CLSPN: variants seen among roughly 807,000 people sequenced by gnomAD.
The protein encoded by CLSPN is claspin.
A neutral mutation model predicts 156.3 loss-of-function variants in CLSPN; 85 were observed. That is an observed-to-expected ratio of 0.54 (90% CI 0.46 to 0.65). The LOEUF is 0.65. Ranked by LOEUF, CLSPN falls within the 30% of genes least tolerant of loss-of-function variation. The probability of loss-of-function intolerance (pLI) is 0.00; values close to 1 mark genes in which losing one functional copy is unlikely to be tolerated. For synonymous variants in CLSPN, 534 were observed against 542.4 expected, an observed-to-expected ratio of 0.98 and a Z score of 0.22; for missense variants, 1,407 against 1,554.9, an observed-to-expected ratio of 0.90 and a Z score of 1.60.
chr1:35,765,847 T>C (rs1642652761), intron 1 of CLSPN, among the ~76,000 whole-genome samples: 2 of 152,072 alleles, frequency 1.3e-5, no homozygotes, highest in South Asian at 2.1e-4. Context: ...ACAATCAAAT[T>C]TGAATCCTAT....
intron 24 of CLSPN, among the ~76,000 whole-genome samples, chr1:35,726,778 C>G (rs143418441): frequency 6.6e-6 from 1 of 152,228 alleles, no homozygotes; most frequent in Admixed American, 6.5e-5. Flanking sequence ...GCTTGCCGGA[C>G]GAGGAGCAGG....
Position 35,735,661 on chromosome 1 carries a change from T to C in CLSPN, c.*835A>G, listed in dbSNP as rs936357783. On this transcript the variant is annotated 3_prime_UTR_variant, in exon 25 of 25. Transcript: ENST00000318121. ...AGGCAGAGGTTGCCGTGAGCCGAGATTGCGCCACTGCACTCCAGACTGGGC... is the reference window on the plus strand; with the variant it reads ...AGGCAGAGGTTGCCGTGAGCCGAGACTGCGCCACTGCACTCCAGACTGGGC... 3.2e-6 allele frequency: 3 copies of C among 925,026 alleles called. No individual in the cohort carries two copies. Among genetic ancestry groups the C allele is most frequent in the Non-Finnish European group, 3.9e-6 (3 of 775,574 alleles). The allele number at this position is 925,026 out of a possible 1,614,324, so 57.3% of individuals were successfully genotyped here.
At chr1:35,754,742 T>C (rs1220795164) in intron 8 of CLSPN, among the ~76,000 whole-genome samples, 1 of 152,232 alleles carries the variant, frequency 6.6e-6, no homozygotes, top group Non-Finnish European at 1.5e-5. Flanking sequence ...GCAGCAGGAC[T>C]GTAAAAAGTT....
intron 24 of CLSPN, among the ~76,000 whole-genome samples, chr1:35,722,108 C>T (rs958320648): frequency 6.6e-6 from 1 of 150,972 alleles, no homozygotes; most frequent in Admixed American, 6.6e-5. Context: ...CACTGCACTC[C>T]AGCCTGGGCG....
At position 35,751,332 on chromosome 1, in the gene CLSPN, T is replaced by C. The variant is rs763227677; in HGVS notation, c.1946A>G (p.Lys649Arg). 7 of 1,592,822 alleles carry C rather than the reference T, an allele frequency of 4.4e-6. No individual in the cohort carries two copies. Among genetic ancestry groups the C allele is most frequent in the Non-Finnish European group, 5.1e-6 (6 of 1,165,672 alleles). The part of the protein sequence containing the change: ...TDESEEDGEE[K>R]VEKEEKEEEL... ...TTCCTCTTTCTCTTCTTTCTCTACCTTCTCTTCTCCATCTTCCTCAGACTC... is the reference window on the plus strand; with the variant it reads ...TTCCTCTTTCTCTTCTTTCTCTACCCTCTCTTCTCCATCTTCCTCAGACTC... The change falls in exon 10 of 25, where the codon AAG (lysine) becomes AGG (arginine). Residue 649 changes from lysine to arginine, a missense_variant. Physicochemically the swap from Lys to Arg is conservative, Grantham distance 26. This residue lies in a region of CLSPN where 1,096 missense variants were observed against 1,193.0 expected (regional missense o/e 0.92). Transcript: ENST00000318121.
chr1:35,739,261 C>A lies in CLSPN; in HGVS notation c.3309-4G>T, dbSNP rs928853894. ...ATCATCATCCAACATAGTTTTCCTGCAACAGGAGAAATAAGGTGTTCAAAA... is the reference window on the plus strand; with the variant it reads ...ATCATCATCCAACATAGTTTTCCTGAAACAGGAGAAATAAGGTGTTCAAAA... On this transcript the variant is annotated splice_polypyrimidine_tract_variant and splice_region_variant and intron_variant, in intron 19 of 24. Coordinates refer to ENST00000318121, the MANE Select transcript of CLSPN (RefSeq NM_022111.4). The A allele has an allele frequency of 6.2e-7, 1 of 1,614,158 alleles. No individual in the cohort carries two copies. Among genetic ancestry groups the A allele is most frequent in the Non-Finnish European group, 8.5e-7 (1 of 1,180,018 alleles).
rs994370403 is a variant in CLSPN at position 35,765,436 on chromosome 1, C to A, written c.25-110G>T. 8.4e-5 allele frequency: 56 copies of A among 667,388 alleles called. No homozygotes were observed. In the Middle Eastern group the frequency reaches 2.6e-3, roughly 31 times the overall value. 41.3% of individuals were successfully genotyped at this position (667,388 alleles called of 1,614,324 possible). A position where few individuals can be genotyped will look rare whatever the true frequency, so the allele number is the denominator to read the frequency against. On this transcript the variant is annotated intron_variant, in intron 1 of 24. Transcript: ENST00000318121. The stretch of plus-strand genomic sequence containing the variant: ...CATCAACCTGAACTAAGGAAAGAAC[C>A]AAATACAATGGTTCCTTGAAGGGAT...
chr1:35,769,785 C>G, intron 1 of CLSPN, 62 bp downstream of exon 1: 1 of 1,514,578 alleles, frequency 6.6e-7, no homozygotes, highest in Admixed American at 2.0e-5. Context: ...TACCCCGGCC[C>G]CACCTAACCT....
In CLSPN at chr1:35,745,493, T is replaced by A. The variant is rs1641847353; in HGVS notation, c.2924A>T (p.Glu975Val). The A allele has an allele frequency of 6.2e-7, 1 of 1,613,950 alleles. No homozygotes were observed. Among genetic ancestry groups the A allele is most frequent in the Admixed American group, 1.7e-5 (1 of 60,006 alleles). Residue 975 changes from glutamate (E) to valine (V), a missense_variant, in exon 16 of 25, where the codon GAA becomes GTA. By Grantham distance (121) the Glu-to-Val change is moderately radical. Coordinates refer to ENST00000318121, the MANE Select transcript of CLSPN (RefSeq NM_022111.4). ...EKESSMGDPM[E>V]EALALCSGSF... Reference sequence around the variant, plus strand: ...GCCTGAGCAAAGAGCAAGTGCTTCTTCCATTGGATCACCCATGCTGCTCTC... The same window carrying A: ...GCCTGAGCAAAGAGCAAGTGCTTCTACCATTGGATCACCCATGCTGCTCTC...
At chr1:35,722,328 C>T (rs183105534) in intron 24 of CLSPN, among the ~76,000 whole-genome samples, 6 of 144,076 alleles carry the variant, frequency 4.2e-5, no homozygotes, top group African/African-American at 1.3e-4. Context: ...AGTCTTGGCT[C>T]ACTACAACCT....
At chr1:35,767,820 A>C (rs1299238488) in intron 1 of CLSPN, among the ~76,000 whole-genome samples, 1 of 152,228 alleles carries the variant, frequency 6.6e-6, no homozygotes, top group Non-Finnish European at 1.5e-5. Context: ...TGATGGGTTC[A>C]TTATACCATC....
At chr1:35,744,836 G>A (rs919345955) in intron 16 of CLSPN, among the ~76,000 whole-genome samples, 15 of 152,012 alleles carry the variant, frequency 9.9e-5, no homozygotes, top group African/African-American at 3.4e-4. Flanking sequence ...ATTTTGAGAC[G>A]GAGTTTTGTT....
chr1:35,726,110 C>T (rs1430868680), intron 24 of CLSPN, among the ~76,000 whole-genome samples: 3 of 120,674 alleles, frequency 2.5e-5, no homozygotes, highest in Non-Finnish European at 4.9e-5. Context: ...TCAAAGCTTT[C>T]TGGCCAGGTT....
intron 8 of CLSPN, among the ~76,000 whole-genome samples, chr1:35,757,384 T>C (rs1044433227): frequency 2.6e-5 from 4 of 152,312 alleles, no homozygotes; most frequent in East Asian, 3.9e-4. Flanking sequence ...ACTTCATGTA[T>C]ATTATGGCTG....
chr1:35,735,867 G>C lies in CLSPN; in HGVS notation c.*629C>G, dbSNP rs770983651. On this transcript the variant is annotated 3_prime_UTR_variant, in exon 25 of 25. Transcript: ENST00000318121. ...TCCAACCACTTCTATCAATCACAAA[G>C]AGATATTAACCCAGAAAGCTGCTAC... 1.7e-4 allele frequency: 172 copies of C among 985,070 alleles called. No homozygotes were observed. The highest frequency in any genetic ancestry group is 2.1e-4 in the Non-Finnish European group (171 of 829,900). The allele number at this position is 985,070 out of a possible 1,614,324, so 61.0% of individuals were successfully genotyped here.
At chr1:35,748,841 T>C (rs77463812) in intron 12 of CLSPN, 1 of 465,878 alleles carries the variant, frequency 2.1e-6, no homozygotes, top group South Asian at 1.9e-5. Flanking sequence ...TTTTTTTTTT[T>C]TTTTGAGACA....
chr1:35,730,977 G>A (rs184439573), downstream of CLSPN, among the ~76,000 whole-genome samples: 328 of 152,142 alleles, frequency 2.2e-3, 2 homozygotes, highest in Non-Finnish European at 2.9e-3. Context: ...CAAGGCGGGC[G>A]GATCACGAGG....
intron 16 of CLSPN, among the ~76,000 whole-genome samples, chr1:35,744,476 T>G (rs949424320): frequency 2.6e-5 from 4 of 152,078 alleles, no homozygotes; most frequent in Non-Finnish European, 5.9e-5. Context: ...GTATTTTTTT[T>G]ATAGGGATGG....
chr1:35,728,408 G>A (rs986481653), downstream of CLSPN, among the ~76,000 whole-genome samples: 10 of 152,242 alleles, frequency 6.6e-5, no homozygotes, highest in East Asian at 1.9e-3. Context: ...ACAAATTCCT[G>A]GTTGTAGCTA....
Sources: gnomAD v4.1 joint callset for allele counts (sites outside exome capture counted in the v4.1 genomes callset) on GRCh38, gnomAD v4.1.1 for gene constraint, gnomAD v4.1.1 regional missense constraint, MANE v1.5 for transcripts, NCBI Gene and HGNC (gene_info 2026-07-23, HGNC 2026-07-21) for gene names.